The following ZNF236 variants were observed in gnomAD, a reference collection of about 807,000 sequenced individuals.
The protein encoded by ZNF236 is regulated by glucose.
A neutral mutation model predicts 191.2 loss-of-function variants in ZNF236; 50 were observed. The ratio of observed to expected loss-of-function variants is 0.26; its 90% CI spans 0.21 to 0.33. The LOEUF (loss-of-function observed/expected upper bound fraction) is 0.33, where lower values mean the gene tolerates loss of function less well. Ranked by LOEUF, ZNF236 falls within the 10% of genes least tolerant of loss-of-function variation. ZNF236 has a pLI of 1.00. For synonymous variants in ZNF236, 907 were observed against 928.8 expected, an observed-to-expected ratio of 0.98 and a Z score of 0.43; for missense variants, 1,754 against 2,374.5, an observed-to-expected ratio of 0.74 and a Z score of 5.43.
chr18:76,849,086 T>A (rs1975783206), intron 1 of ZNF236: 1 of 153,410 alleles, frequency 6.5e-6, no homozygotes, highest in Non-Finnish European at 1.5e-5. Context: ...ACTGGAGTTT[T>A]GTTTACTGAG....
intron 9 of ZNF236, among the ~76,000 whole-genome samples, chr18:76,894,536 T>C (rs898812061): frequency 6.6e-6 from 1 of 152,268 alleles, no homozygotes; most frequent in Non-Finnish European, 1.5e-5. Context: ...TGAATTGATA[T>C]ATACTATTTG....
intron 25 of ZNF236, among the ~76,000 whole-genome samples, chr18:76,932,309 G>T (rs1238181834): frequency 6.6e-6 from 1 of 152,220 alleles, no homozygotes; most frequent in Non-Finnish European, 1.5e-5. Context: ...ATGGCCCATG[G>T]TGGCCTTTAG....
At chr18:76,882,984 C>G (rs2122652903) in intron 9 of ZNF236, among the ~76,000 whole-genome samples, 1 of 152,328 alleles carries the variant, frequency 6.6e-6, no homozygotes, top group Non-Finnish European at 1.5e-5. Context: ...CGGATGCTTT[C>G]ACATGGGCAG....
intron 1 of ZNF236, among the ~76,000 whole-genome samples, chr18:76,832,142 T>C (rs993692837): frequency 6.6e-6 from 1 of 152,208 alleles, no homozygotes; most frequent in Non-Finnish European, 1.5e-5. Context: ...TGCAGTAGTG[T>C]GATCTTGGCT....
intron 1 of ZNF236, among the ~76,000 whole-genome samples, chr18:76,828,317 C>T (rs1260247993): frequency 6.6e-6 from 1 of 152,018 alleles, no homozygotes; most frequent in Non-Finnish European, 1.5e-5. Flanking sequence ...CAGGTGCATG[C>T]CACCATGCCT....
chr18:76,915,463 C>G (rs1374513077), intron 18 of ZNF236, among the ~76,000 whole-genome samples, 184 bp from the exon 19 acceptor site: 1 of 151,962 alleles, frequency 6.6e-6, no homozygotes, highest in African/African-American at 2.4e-5. Flanking sequence ...ATTGGAAACC[C>G]ACACCAAATA....
Position 76,961,739 on chromosome 18 carries a change from T to A in ZNF236, c.5419+884T>A, listed in dbSNP as rs201127179. Among the ~76,000 whole-genome samples, 541 of 144,042 alleles carry A rather than the reference T, an allele frequency of 3.8e-3. 2 individuals are homozygous for A. Among genetic ancestry groups the A allele is most frequent in the Middle Eastern group, 7.1e-3 (2 of 280 alleles). 94.5% of individuals were successfully genotyped at this position (144,042 alleles called of 152,430 possible). ...TGCTAGCATGTACTATTTTTTTTTT[T>A]ATTTTTTGATTATGGCCATTCTTGC... On this transcript the variant is annotated intron_variant, in intron 30 of 30. Coordinates refer to ENST00000320610, the MANE Select transcript of ZNF236 (RefSeq NM_001306089.2).
chr18:76,849,664 A>G lies in ZNF236; in HGVS notation c.194A>G (p.Asp65Gly). 1 of 1,579,202 alleles carries G rather than the reference A, an allele frequency of 6.3e-7. No homozygotes were observed. The highest frequency in any genetic ancestry group is 8.6e-7 in the Non-Finnish European group (1 of 1,166,634). Residue 65 changes from aspartate (D) to glycine (G), a missense_variant, in exon 2 of 31, where the codon GAC becomes GGC. Physicochemically the swap from Asp to Gly is moderately conservative, Grantham distance 94. Transcript: ENST00000320610. Reference sequence around the variant, plus strand: ...CACATGAGGGATCACGAGCGAAATGACAAGGTATGTATTTTCAAAGGTGAT... The same window carrying G: ...CACATGAGGGATCACGAGCGAAATGGCAAGGTATGTATTTTCAAAGGTGAT... Reference protein sequence around the residue: ...QRHMRDHERNDKPHRCDQCPQ... With the variant: ...QRHMRDHERNGKPHRCDQCPQ...
In ZNF236 at chr18:76,822,634, C is replaced by T. The variant is rs1974881693; in HGVS notation, c.27C>T (p.Pro9=). Residue 9 remains proline, a synonymous_variant, in exon 1 of 31, where the codon CCC becomes CCT. Transcript: ENST00000320610. ...TGCCGCGGGGCCGCCCCCCGAAGCC[C>T]AGGGAGAGCAAGGCGCGCGGCGACT... MPRGRPPK[P]RESKARGDSD... The T allele has an allele frequency of 6.7e-6, 1 of 149,750 alleles. No homozygotes were observed. Among genetic ancestry groups the T allele is most frequent in the African/African-American group, 2.5e-5 (1 of 40,650 alleles). The allele number at this position is 149,750 out of a possible 1,614,324, so 9.3% of individuals were successfully genotyped here.
chr18:76,843,775 CAA>C (rs780026489), intron 1 of ZNF236, among the ~76,000 whole-genome samples: 139 of 8,240 alleles, frequency 0.017, 1 homozygote, highest in Non-Finnish European at 0.02. Flanking sequence ...GACTCCGTCT[CAA>C]AAAAAAAAAA....
In ZNF236 at chr18:76,913,856, G is replaced by T; in HGVS notation, c.3019G>T (p.Val1007Phe). The T allele has an allele frequency of 6.2e-7, 1 of 1,614,232 alleles. No homozygotes were observed. Among genetic ancestry groups the T allele is most frequent in the Non-Finnish European group, 8.5e-7 (1 of 1,180,036 alleles). Reference protein sequence around the residue: ...YKCKLCGRGFVSSGVLKSHEK... With the variant: ...YKCKLCGRGFFSSGVLKSHEK... ...GTGCAAGCTCTGTGGACGCGGCTTT[G>T]TTTCCTCTGGGGTCCTCAAGTCCCA... Residue 1007 changes from valine to phenylalanine, a missense_variant, in exon 18 of 31, where the codon GTT becomes TTT. Coordinates refer to ENST00000320610, the MANE Select transcript of ZNF236 (RefSeq NM_001306089.2).
chr18:76,825,543 T>C (rs1192676480), intron 1 of ZNF236, among the ~76,000 whole-genome samples: 4 of 152,200 alleles, frequency 2.6e-5, no homozygotes, highest in East Asian at 1.9e-4. Flanking sequence ...AGAATAGATA[T>C]GACAATCCAA....
intron 16 of ZNF236, among the ~76,000 whole-genome samples, chr18:76,911,388 A>G (rs2122768542): frequency 6.6e-6 from 1 of 152,304 alleles, no homozygotes; most frequent in East Asian, 1.9e-4. Flanking sequence ...CCTCCCGTGA[A>G]AATTTCAGAA....
At chr18:76,891,150 C>G (rs976709970) in intron 9 of ZNF236, among the ~76,000 whole-genome samples, 1 of 152,136 alleles carries the variant, frequency 6.6e-6, no homozygotes, top group African/African-American at 2.4e-5. Context: ...TTAACTGCAT[C>G]GGGGTCAGTG....
At chr18:76,836,791 A>G (rs545950992) in intron 1 of ZNF236, among the ~76,000 whole-genome samples, 5 of 151,434 alleles carry the variant, frequency 3.3e-5, no homozygotes, top group African/African-American at 7.3e-5. Flanking sequence ...GTTAGCCAGG[A>G]TAGTCTCGAT....
At chr18:76,889,200 T>A (rs1977154783) in intron 9 of ZNF236, among the ~76,000 whole-genome samples, 2 of 152,206 alleles carry the variant, frequency 1.3e-5, no homozygotes, top group Admixed American at 6.5e-5. Flanking sequence ...AATATCTGCC[T>A]TCGAAGCTCA....
chr18:76,956,717 G>A (rs1349758215), intron 28 of ZNF236, among the ~76,000 whole-genome samples: 4 of 152,238 alleles, frequency 2.6e-5, no homozygotes, highest in African/African-American at 9.6e-5. Context: ...GGGAAGCAGA[G>A]GATGAGTTCT....
At chr18:76,822,818 C>T (rs1974892837) in intron 1 of ZNF236, among the ~76,000 whole-genome samples, 156 bp downstream of exon 1, 1 of 145,958 alleles carries the variant, frequency 6.9e-6, no homozygotes. Context: ...ACTGGCCGGG[C>T]GGGCCGCAGC....
intron 21 of ZNF236, 85 bp downstream of exon 21, chr18:76,923,259 A>C: frequency 2.2e-6 from 2 of 915,550 alleles, no homozygotes; most frequent in Non-Finnish European, 3.4e-6. Flanking sequence ...GTGTACATAA[A>C]TACTTTCCAA....
Sources: gnomAD v4.1 joint callset for allele counts (sites outside exome capture counted in the v4.1 genomes callset) on GRCh38, gnomAD v4.1.1 for gene constraint, MANE v1.5 for transcripts, NCBI Gene and HGNC (gene_info 2026-07-23, HGNC 2026-07-21) for gene names.